The following RARB variants were observed in gnomAD, a reference collection of about 807,000 sequenced individuals.
The protein encoded by RARB is retinoic acid receptor beta, also known as HBV-activated protein.
Under a neutral mutation model 51.9 loss-of-function variants are expected in RARB, and 17 were observed. The observed-to-expected ratio is 0.33, with a 90% CI of 0.22 to 0.49. The LOEUF (loss-of-function observed/expected upper bound fraction) is 0.49. Ranked by LOEUF, RARB falls within the 20% of genes least tolerant of loss-of-function variation. The pLI, the probability that RARB is intolerant of heterozygous loss-of-function variation, is 0.99. For synonymous variants in RARB, 215 were observed against 195.4 expected (o/e 1.10, Z -0.84); for missense variants, 369 against 550.8 (o/e 0.67, Z 3.30).
At chr3:25,532,166 A>T (rs1304029725) in intron 3 of RARB, among the ~76,000 whole-genome samples, 1 of 152,184 alleles carries the variant, frequency 6.6e-6, no homozygotes, top group Non-Finnish European at 1.5e-5. Flanking sequence ...TGAGTCATGG[A>T]TTATAATTTA....
chr3:25,469,246 C>T (rs1695582568), intron 2 of RARB, among the ~76,000 whole-genome samples: 1 of 152,220 alleles, frequency 6.6e-6, no homozygotes, highest in South Asian at 2.1e-4. Flanking sequence ...GATGTCTGCA[C>T]TTAATTTTAG....
intron 4 of RARB, among the ~76,000 whole-genome samples, chr3:25,150,867 G>A (rs1023089093): frequency 6.6e-6 from 1 of 152,180 alleles, no homozygotes; most frequent in Admixed American, 6.5e-5. Context: ...CTAGACAACG[G>A]TGTGCATGGG....
At chr3:25,450,838 C>T (rs1475279683) in intron 1 of RARB, among the ~76,000 whole-genome samples, 1 of 152,142 alleles carries the variant, frequency 6.6e-6, no homozygotes, top group Non-Finnish European at 1.5e-5. Context: ...GTAATCTCAG[C>T]ACTTTGGGAG....
At chr3:25,499,830 A>G (rs933811181) in intron 2 of RARB, among the ~76,000 whole-genome samples, 2 of 152,236 alleles carry the variant, frequency 1.3e-5, no homozygotes, top group African/African-American at 4.8e-5. Flanking sequence ...AAAGCTAGAT[A>G]CAAAATGGTT....
intron 1 of RARB, among the ~76,000 whole-genome samples, chr3:24,846,589 C>A (rs760733162): frequency 6.6e-6 from 1 of 152,136 alleles, no homozygotes; most frequent in African/African-American, 2.4e-5. Context: ...ATTGCAGGAA[C>A]TGTTGTGGAG....
intron 5 of RARB, among the ~76,000 whole-genome samples, chr3:25,341,692 A>G (rs1482716458): frequency 2.0e-5 from 3 of 152,094 alleles, no homozygotes; most frequent in Admixed American, 6.6e-5. Context: ...TGGTTGTCAC[A>G]ACTGGAAGGG....
chr3:25,387,113 A>G (rs115794805), intron 5 of RARB, among the ~76,000 whole-genome samples: 1,977 of 152,280 alleles, frequency 0.013, 42 homozygotes, highest in African/African-American at 0.045. Context: ...TCATGTGCTC[A>G]AGAGGTTTAG....
intron 1 of RARB, among the ~76,000 whole-genome samples, chr3:25,431,525 T>C (rs376009825): frequency 2.0e-4 from 31 of 152,266 alleles, no homozygotes; most frequent in African/African-American, 7.5e-4. Flanking sequence ...CTGGAAGGTA[T>C]AGGAGTCACT....
intron 3 of RARB, among the ~76,000 whole-genome samples, chr3:25,109,253 A>G (rs1400937155): frequency 2.0e-5 from 3 of 151,948 alleles, no homozygotes; most frequent in Non-Finnish European, 4.4e-5. Context: ...TGTAGATATG[A>G]TTGAAGATGT....
chr3:25,442,546 T>A (rs1708746212), intron 1 of RARB, among the ~76,000 whole-genome samples: 1 of 152,252 alleles, frequency 6.6e-6, no homozygotes, highest in South Asian at 2.1e-4. Flanking sequence ...TTTCAGTATT[T>A]GTTCATTTTC....
intron 5 of RARB, among the ~76,000 whole-genome samples, chr3:25,195,202 C>G (rs1286005212): frequency 6.6e-6 from 1 of 151,626 alleles, no homozygotes; most frequent in South Asian, 2.1e-4. Context: ...TTTTTTTTTC[C>G]AAACAGTTTC....
chr3:25,018,390 C>T (rs766600180), intron 2 of RARB, among the ~76,000 whole-genome samples: 3 of 152,136 alleles, frequency 2.0e-5, no homozygotes, highest in Non-Finnish European at 4.4e-5. Flanking sequence ...ACCTGGTTAT[C>T]ATAGGCTGGA....
intron 2 of RARB, among the ~76,000 whole-genome samples, chr3:25,047,510 A>T (rs1424259986): frequency 1.3e-5 from 2 of 152,210 alleles, no homozygotes; most frequent in Non-Finnish European, 2.9e-5. Context: ...ACTATATTGG[A>T]TGTCATAGCA....
intron 5 of RARB, among the ~76,000 whole-genome samples, chr3:25,271,595 C>A (rs972995196): frequency 6.6e-6 from 1 of 152,112 alleles, no homozygotes; most frequent in Non-Finnish European, 1.5e-5. Context: ...AATGGTAGTT[C>A]CGTCTTTCCT....
At chr3:25,270,126 ACATAT>A (rs956938384) in intron 5 of RARB, among the ~76,000 whole-genome samples, 11 of 152,174 alleles carry the variant, frequency 7.2e-5, no homozygotes, top group African/African-American at 2.4e-4. Context: ...AAATAGAATC[ACATAT>A]CATCCATTAA....
chr3:25,593,401 A>C, intron 5 of RARB, 102 bp from the exon 6 acceptor site: 1 of 1,115,304 alleles, frequency 9.0e-7, no homozygotes, highest in Non-Finnish European at 1.3e-6. Flanking sequence ...AGACTGCCCC[A>C]AGAGCTCCTT....
intron 5 of RARB, among the ~76,000 whole-genome samples, chr3:25,371,643 C>G (rs747610204): frequency 3.3e-5 from 5 of 152,216 alleles, no homozygotes; most frequent in Non-Finnish European, 7.3e-5. Context: ...AACGCTCGCC[C>G]TGGGGCAAAA....
intron 2 of RARB, among the ~76,000 whole-genome samples, chr3:24,869,520 C>T (rs1702908075): frequency 6.6e-6 from 1 of 152,020 alleles, no homozygotes; most frequent in South Asian, 2.1e-4. Flanking sequence ...AATCCCTTCA[C>T]AAAACTAGTT....
chr3:25,029,550 C>G (rs902553651), intron 2 of RARB, among the ~76,000 whole-genome samples: 34 of 152,166 alleles, frequency 2.2e-4, no homozygotes, highest in Non-Finnish European at 4.4e-5. Flanking sequence ...CCTAGGTCTT[C>G]ACTGATGAGC....
Sources: gnomAD v4.1 joint callset for allele counts (sites outside exome capture counted in the v4.1 genomes callset) on GRCh38, gnomAD v4.1.1 for gene constraint, MANE v1.5 for transcripts, NCBI Gene and HGNC (gene_info 2026-07-23, HGNC 2026-07-21) for gene names.